The following ARHGAP35 variants were observed in gnomAD, a reference collection of about 807,000 sequenced individuals.
ARHGAP35 encodes rho GTPase-activating protein 35.
ARHGAP35 carries 15 observed loss-of-function variants against 111.1 expected under a neutral mutation model. That is an observed-to-expected ratio of 0.13 (90% CI 0.09 to 0.21). The LOEUF (loss-of-function observed/expected upper bound fraction) is 0.21, where lower values mean the gene tolerates loss of function less well. Ranked by LOEUF, ARHGAP35 falls within the 10% of genes least tolerant of loss-of-function variation. ARHGAP35 has a pLI of 1.00. For missense variants in ARHGAP35, 1,262 were observed against 1,873.0 expected (o/e 0.67, Z 6.02); for synonymous variants, 643 against 710.3 (o/e 0.91, Z 1.51).
intron 3 of ARHGAP35, among the ~76,000 whole-genome samples, chr19:46,985,473 C>T (rs1034249731): frequency 4.6e-5 from 7 of 152,320 alleles, no homozygotes; most frequent in Admixed American, 2.6e-4. Context: ...GCAGAGTCCC[C>T]GGACTCAGAC....
intron 1 of ARHGAP35, among the ~76,000 whole-genome samples, chr19:46,907,954 T>A (rs1419207970): frequency 6.6e-6 from 1 of 152,206 alleles, no homozygotes; most frequent in Non-Finnish European, 1.5e-5. Flanking sequence ...TTAGAAATAA[T>A]GAGCTGAAAT....
In ARHGAP35 at chr19:46,998,296, C is replaced by G. The variant is rs1411484007; in HGVS notation, c.4037-1008C>G. On this transcript the variant is annotated intron_variant, in intron 5 of 6. Coordinates refer to ENST00000672722, the MANE Select transcript of ARHGAP35 (RefSeq NM_004491.5). ...TTAACAGGCCTCTCTTCACCACCCCCACAGCCGCCAGCTGTGAGGTCGCTG... is the reference window on the plus strand; with the variant it reads ...TTAACAGGCCTCTCTTCACCACCCCGACAGCCGCCAGCTGTGAGGTCGCTG... Among the ~76,000 whole-genome samples, 3 of 152,334 alleles carry G rather than the reference C, an allele frequency of 2.0e-5. No individual in the cohort carries two copies. The East Asian group carries it at 5.8e-4, about 29-fold the overall frequency.
intron 2 of ARHGAP35, among the ~76,000 whole-genome samples, chr19:46,933,994 A>G (rs762611974): frequency 1.3e-5 from 2 of 152,172 alleles, no homozygotes; most frequent in African/African-American, 2.4e-5. Context: ...CCATGGTTAG[A>G]AGGAGGCTTT....
At chr19:46,969,411 T>C (rs1051253510) in intron 3 of ARHGAP35, among the ~76,000 whole-genome samples, 18 of 152,222 alleles carry the variant, frequency 1.2e-4, no homozygotes, top group African/African-American at 4.3e-4. Context: ...GTGTTCTTTT[T>C]GAGGTGGGTC....
chr19:46,939,953 C>T (rs1444340065), intron 3 of ARHGAP35, among the ~76,000 whole-genome samples: 2 of 151,786 alleles, frequency 1.3e-5, no homozygotes, highest in Non-Finnish European at 2.9e-5. Context: ...GTGGTCAAAT[C>T]TGGCCCAGCA....
At chr19:46,937,443 C>G in intron 3 of ARHGAP35, 35 bp downstream of exon 3, 2 of 1,609,928 alleles carry the variant, frequency 1.2e-6, no homozygotes, top group Non-Finnish European at 1.7e-6. Flanking sequence ...TTATAACTTT[C>G]ACTGTCTACA....
intron 3 of ARHGAP35, among the ~76,000 whole-genome samples, chr19:46,968,756 A>G (rs1186759342): frequency 6.6e-6 from 1 of 152,240 alleles, no homozygotes; most frequent in Non-Finnish European, 1.5e-5. Context: ...TCATTTACAC[A>G]GAATTATCTA....
chr19:47,000,190 G>A lies in ARHGAP35; in HGVS notation c.4143-141G>A, dbSNP rs1029596218. The stretch of plus-strand genomic sequence containing the variant: ...GGCGCAGCCTCCCAGGCAGGGCAGG[G>A]TACAGAGAGCTGCGCATGGCCTTTT... On this transcript the variant is annotated intron_variant, in intron 6 of 6. Transcript: ENST00000672722. This position sits in a 1 kb window ranked among gnomAD's most constrained non-coding sequence, Gnocchi z 6.9. 5 of 881,096 alleles carry A rather than the reference G, an allele frequency of 5.7e-6. No individual in the cohort carries two copies. The South Asian group carries it at 6.6e-5, about 12-fold the overall frequency. 54.6% of individuals were successfully genotyped at this position (881,096 alleles called of 1,614,324 possible). A position where few individuals can be genotyped will look rare whatever the true frequency, so the allele number is the denominator to read the frequency against.
chr19:46,877,728 G>A (rs534960863), intron 1 of ARHGAP35, among the ~76,000 whole-genome samples: 1 of 151,346 alleles, frequency 6.6e-6, no homozygotes, highest in Non-Finnish European at 1.5e-5. Flanking sequence ...TTGGAGGGGG[G>A]ACAGTTTCGC....
chr19:46,880,684 AT>A (rs1487249009), intron 1 of ARHGAP35, among the ~76,000 whole-genome samples: 2 of 151,296 alleles, frequency 1.3e-5, no homozygotes, highest in East Asian at 1.9e-4. Context: ...TTTTATTTTT[AT>A]TTTTTTTAAG....
rs930894203 is a variant in ARHGAP35 at position 46,994,574 on chromosome 19, G to A, written c.4037-4730G>A. Among the ~76,000 whole-genome samples, 14 of 152,108 alleles carry A rather than the reference G, an allele frequency of 9.2e-5. No individual in the cohort carries two copies. Among genetic ancestry groups the A allele is most frequent in the African/African-American group, 2.9e-4 (12 of 41,420 alleles). The stretch of plus-strand genomic sequence containing the variant: ...CAGCAAGTAGCAGCCAGCCAGAGGC[G>A]CCGTGAACTCGCCGGGGATGAGGAT... On this transcript the variant is annotated intron_variant, in intron 5 of 6. Coordinates refer to ENST00000672722, the MANE Select transcript of ARHGAP35 (RefSeq NM_004491.5). This position sits in a 1 kb window ranked among gnomAD's most constrained non-coding sequence, Gnocchi z 5.4.
At position 46,887,552 on chromosome 19, in the gene ARHGAP35, C is replaced by T. The variant is rs1313653371; in HGVS notation, c.-189+26343C>T. Among the ~76,000 whole-genome samples, 9 of 152,198 alleles carry T rather than the reference C, an allele frequency of 5.9e-5. No homozygotes were observed. In the East Asian group the frequency reaches 1.7e-3, roughly 29 times the overall value. On this transcript the variant is annotated intron_variant, in intron 1 of 6. Coordinates refer to ENST00000672722, the MANE Select transcript of ARHGAP35 (RefSeq NM_004491.5). ...TAGAAGCTGTGACTAGCAAGAGCTT[C>T]CAAGGGCTGTGACTTCACCAAGGGA...
intron 1 of ARHGAP35, among the ~76,000 whole-genome samples, chr19:46,863,440 T>C (rs527925495): frequency 1.3e-5 from 2 of 152,132 alleles, no homozygotes; most frequent in African/African-American, 2.4e-5. Flanking sequence ...CTTTTTCCAT[T>C]GCCCCATTTT....
chr19:46,878,530 G>A (rs2055939416), intron 1 of ARHGAP35, among the ~76,000 whole-genome samples: 1 of 152,108 alleles, frequency 6.6e-6, no homozygotes, highest in South Asian at 2.1e-4. Flanking sequence ...TGTTGGCCAG[G>A]GTGGTCTCAA....
chr19:46,933,986 A>G (rs749906496), intron 2 of ARHGAP35, among the ~76,000 whole-genome samples: 1 of 152,220 alleles, frequency 6.6e-6, no homozygotes, highest in African/African-American at 2.4e-5. Flanking sequence ...TCCTAGAACC[A>G]TGGTTAGAAG....
intron 3 of ARHGAP35, among the ~76,000 whole-genome samples, chr19:46,978,904 T>G (rs1599861478): frequency 9.9e-5 from 9 of 90,614 alleles, no homozygotes; most frequent in African/African-American, 1.8e-4. Context: ...GGGGTGTGTG[T>G]GGTGGGGTGT....
chr19:46,905,173 T>C (rs567611778), intron 1 of ARHGAP35, among the ~76,000 whole-genome samples: 1 of 152,286 alleles, frequency 6.6e-6, no homozygotes, highest in African/African-American at 2.4e-5. Flanking sequence ...TGTCTGAGCA[T>C]TAAATGGGTT....
intron 3 of ARHGAP35, among the ~76,000 whole-genome samples, chr19:46,938,891 G>A (rs775250038): frequency 6.6e-5 from 10 of 150,886 alleles, no homozygotes; most frequent in African/African-American, 1.5e-4. Flanking sequence ...TCCTGACCTC[G>A]TGATCCGCCC....
chr19:46,882,927 A>G (rs975880673), intron 1 of ARHGAP35, among the ~76,000 whole-genome samples: 1 of 152,138 alleles, frequency 6.6e-6, no homozygotes, highest in Non-Finnish European at 1.5e-5. Flanking sequence ...CCTTCGCTTT[A>G]ACAATGTGGC....
Sources: gnomAD v4.1 joint callset for allele counts (sites outside exome capture counted in the v4.1 genomes callset) on GRCh38, gnomAD v4.1.1 for gene constraint, Gnocchi (gnomAD v3.1) non-coding constraint, MANE v1.5 for transcripts, NCBI Gene and HGNC (gene_info 2026-07-23, HGNC 2026-07-21) for gene names.